CDH18: variants seen among roughly 807,000 people sequenced by gnomAD.
CDH18 encodes the protein cadherin 18.
CDH18 carries 31 observed loss-of-function variants against 67.9 expected under a neutral mutation model. That is an observed-to-expected ratio of 0.46 (90% CI 0.34 to 0.62). The LOEUF is 0.62. Ranked by LOEUF, CDH18 falls within the 20% of genes least tolerant of loss-of-function variation. The probability of loss-of-function intolerance (pLI) is 0.01; values close to 1 mark genes in which losing one functional copy is unlikely to be tolerated. For missense variants in CDH18, 890 were observed against 975.5 expected, an observed-to-expected ratio of 0.91 and a Z score of 1.17; for synonymous variants, 362 against 347.2, an observed-to-expected ratio of 1.04 and a Z score of -0.48.
At chr5:20,360,399 T>C (rs978636523) in intron 1 of CDH18, among the ~76,000 whole-genome samples, 5 of 152,170 alleles carry the variant, frequency 3.3e-5, no homozygotes, top group Non-Finnish European at 1.5e-5. Flanking sequence ...CTGGGAATCC[T>C]GCCCTAAGTA....
chr5:20,027,700 A>G (rs1158066252), intron 2 of CDH18, among the ~76,000 whole-genome samples: 1 of 152,216 alleles, frequency 6.6e-6, no homozygotes, highest in Admixed American at 6.5e-5. Context: ...CAAGTCCATC[A>G]TGCAACTTAA....
intron 1 of CDH18, among the ~76,000 whole-genome samples, chr5:20,296,315 G>A (rs572891837): frequency 2.6e-5 from 4 of 151,012 alleles, no homozygotes; most frequent in East Asian, 2.0e-4. Context: ...GTGCAGTGGC[G>A]CCATCTCGAC....
At chr5:19,721,296 C>T (rs1345715896) in intron 5 of CDH18, 51 bp downstream of exon 5, 1 of 1,486,740 alleles carries the variant, frequency 6.7e-7, no homozygotes, top group Non-Finnish European at 9.1e-7. Flanking sequence ...CATTGCTTTG[C>T]AACTTACTGT....
At chr5:20,562,514 A>G (rs1403684220) in intron 1 of CDH18, among the ~76,000 whole-genome samples, 1 of 151,746 alleles carries the variant, frequency 6.6e-6, no homozygotes, top group East Asian at 1.9e-4. Flanking sequence ...ACTGTATATG[A>G]TAAAAATGTG....
intron 1 of CDH18, among the ~76,000 whole-genome samples, chr5:20,288,718 A>C (rs1388210416): frequency 6.6e-6 from 1 of 151,906 alleles, no homozygotes; most frequent in African/African-American, 2.4e-5. Context: ...CTTTATTCAG[A>C]GCCACAAGAA....
chr5:19,585,373 A>G (rs2631622), intron 7 of CDH18, among the ~76,000 whole-genome samples: 14,061 of 152,086 alleles, frequency 0.092, 1,947 homozygotes, highest in African/African-American at 0.3. Flanking sequence ...ATTTTATAAA[A>G]ACAATAGGAC....
At chr5:20,172,214 A>ATATATATATATGTATATATATATATATG (rs1736832749) in intron 2 of CDH18, among the ~76,000 whole-genome samples, 1 of 32,848 alleles carries the variant, frequency 3.0e-5, no homozygotes, top group Non-Finnish European at 6.0e-5. Flanking sequence ...ATATATATAT[A>ATATATATATATGTATATATATATATATG]TATATATATG....
At chr5:19,653,280 T>C (rs1056623970) in intron 5 of CDH18, among the ~76,000 whole-genome samples, 1 of 152,110 alleles carries the variant, frequency 6.6e-6, no homozygotes, top group Non-Finnish European at 1.5e-5. Flanking sequence ...TAGCAGACCC[T>C]GAGCTTGAGT....
intron 2 of CDH18, among the ~76,000 whole-genome samples, chr5:19,894,776 A>C (rs1342181777): frequency 1.3e-5 from 2 of 152,138 alleles, no homozygotes; most frequent in East Asian, 3.9e-4. Flanking sequence ...GAACATTTCT[A>C]TCTTTTCTCA....
chr5:20,077,884 G>C (rs550537806), intron 2 of CDH18, among the ~76,000 whole-genome samples: 1 of 152,122 alleles, frequency 6.6e-6, no homozygotes, highest in East Asian at 1.9e-4. Context: ...TCTTAGGATT[G>C]CATAATCCTG....
At chr5:19,955,628 C>T (rs1045241986) in intron 2 of CDH18, among the ~76,000 whole-genome samples, 1 of 151,984 alleles carries the variant, frequency 6.6e-6, no homozygotes, top group African/African-American at 2.4e-5. Context: ...AGAGGTAACA[C>T]TTAAAATTTA....
intron 4 of CDH18, among the ~76,000 whole-genome samples, chr5:19,742,413 C>A (rs1416726701): frequency 2.0e-5 from 3 of 151,776 alleles, no homozygotes; most frequent in African/African-American, 7.3e-5. Flanking sequence ...TGGGTACACA[C>A]ACACACACAC....
At chr5:19,967,304 T>G (rs1037111408) in intron 2 of CDH18, among the ~76,000 whole-genome samples, 1 of 152,060 alleles carries the variant, frequency 6.6e-6, no homozygotes, top group Non-Finnish European at 1.5e-5. Flanking sequence ...ACTTTTGACC[T>G]TAAAGAAATC....
At position 20,477,952 on chromosome 5, in the gene CDH18, T is replaced by C. The variant is rs546192188; in HGVS notation, c.-580+97510A>G. ...GTTGGGAACAGAGTCCTGAGGCCCC[T>C]ATTCTAGGTCCTAGATCCCAGTTGA... On this transcript the variant is annotated intron_variant, in intron 1 of 14. Coordinates refer to the CDH18 transcript ENST00000507958. Among the ~76,000 whole-genome samples the C allele has an allele frequency of 1.2e-4, 18 of 152,274 alleles. No individual in the cohort carries two copies. In the South Asian group the frequency reaches 3.7e-3, roughly 32 times the overall value.
chr5:19,519,536 C>T (rs1482810654), intron 10 of CDH18, among the ~76,000 whole-genome samples: 2 of 152,160 alleles, frequency 1.3e-5, no homozygotes, highest in African/African-American at 4.8e-5. Context: ...TTTTAAGGTG[C>T]TGCTCCTGGA....
At chr5:19,717,034 AC>A (rs1190400690) in intron 5 of CDH18, among the ~76,000 whole-genome samples, 1 of 152,076 alleles carries the variant, frequency 6.6e-6, no homozygotes, top group East Asian at 1.9e-4. Context: ...TCCATTACTG[AC>A]TGTCAATGAT....
At chr5:20,447,843 T>G (rs548781395) in intron 1 of CDH18, among the ~76,000 whole-genome samples, 1 of 152,266 alleles carries the variant, frequency 6.6e-6, no homozygotes, top group East Asian at 1.9e-4. Context: ...ATGTTTGAGA[T>G]TTTATCGAAT....
chr5:20,148,091 T>G (rs1013199565), intron 2 of CDH18, among the ~76,000 whole-genome samples: 33 of 129,556 alleles, frequency 2.5e-4, no homozygotes, highest in Non-Finnish European at 4.2e-4. Flanking sequence ...TTTGTTTTGT[T>G]TTTTTTTTTC....
intron 1 of CDH18, among the ~76,000 whole-genome samples, chr5:20,445,243 A>C (rs1749917070): frequency 6.6e-6 from 1 of 152,152 alleles, no homozygotes; most frequent in Admixed American, 6.5e-5. Context: ...TATTTCCTTA[A>C]ATTGCATACA....
Sources: gnomAD v4.1 joint callset for allele counts (sites outside exome capture counted in the v4.1 genomes callset) on GRCh38, gnomAD v4.1.1 for gene constraint, MANE v1.5 for transcripts, NCBI Gene and HGNC (gene_info 2026-07-23, HGNC 2026-07-21) for gene names.